The following FAM20B variants were observed in gnomAD, a reference collection of about 807,000 sequenced individuals.
The protein encoded by FAM20B is FAM20B glycosaminoglycan xylosylkinase, also known as glycosaminoglycan xylosylkinase.
Under a neutral mutation model 43.8 loss-of-function variants are expected in FAM20B, and 23 were observed. The ratio of observed to expected loss-of-function variants is 0.53; its 90% CI spans 0.38 to 0.74. The LOEUF is 0.74. FAM20B is among the 30% of genes least tolerant of loss of function. FAM20B has a pLI of 0.00. For missense variants in FAM20B, 440 were observed against 510.5 expected (o/e 0.86, Z 1.33); for synonymous variants, 178 against 192.4 (o/e 0.93, Z 0.62).
chr1:179,053,790 TGTATA>T (rs1327406151), intron 3 of FAM20B, among the ~76,000 whole-genome samples: 1 of 152,178 alleles, frequency 6.6e-6, no homozygotes, highest in Admixed American at 6.5e-5. Flanking sequence ...CTCGATTGTA[TGTATA>T]TACGTAAGTG....
At chr1:179,037,088 G>A (rs1281855933) in intron 1 of FAM20B, among the ~76,000 whole-genome samples, 1 of 152,210 alleles carries the variant, frequency 6.6e-6, no homozygotes, top group Non-Finnish European at 1.5e-5. Context: ...AGCTATTTAG[G>A]ATACAGCTTT....
chr1:179,042,801 G>A (rs955932522), intron 1 of FAM20B, among the ~76,000 whole-genome samples: 1 of 152,134 alleles, frequency 6.6e-6, no homozygotes, highest in African/African-American at 2.4e-5. Context: ...CCCACAGTGG[G>A]TAGATCCCTT....
intron 6 of FAM20B, among the ~76,000 whole-genome samples, chr1:179,065,653 A>G (rs1651659938): frequency 6.6e-6 from 1 of 152,224 alleles, no homozygotes; most frequent in Admixed American, 6.5e-5. Context: ...ACAGAAAATG[A>G]AAAACCAGCA....
At chr1:179,021,322 A>G (rs538402985), upstream of FAM20B, among the ~76,000 whole-genome samples, 4 of 152,316 alleles carry the variant, frequency 2.6e-5, no homozygotes, top group Admixed American at 6.5e-5. Context: ...CACAACAAAA[A>G]AAAAATGTGT....
Position 179,076,329 on chromosome 1 carries a change from A to G in FAM20B, c.*4185A>G, listed in dbSNP as rs1322215510. The G allele has an allele frequency of 3.3e-5, 5 of 152,210 alleles. No individual in the cohort carries two copies. Among genetic ancestry groups the G allele is most frequent in the Non-Finnish European group, 7.3e-5 (5 of 68,032 alleles). 9.4% of individuals were successfully genotyped at this position (152,210 alleles called of 1,614,324 possible). ...CTAAGGTGTTTCTCATAAACACAAA[A>G]TGTTGGGTGAAACTGGGAACAACTA... On this transcript the variant is annotated 3_prime_UTR_variant, in exon 8 of 8. Transcript: ENST00000263733.
intron 2 of FAM20B, among the ~76,000 whole-genome samples, chr1:179,049,925 C>G (rs1650932904): frequency 6.6e-6 from 1 of 152,216 alleles, no homozygotes; most frequent in African/African-American, 2.4e-5. Context: ...TAAGCACCAA[C>G]TATGTGCTTA....
intron 1 of FAM20B, among the ~76,000 whole-genome samples, chr1:179,034,143 CT>C (rs1650122048): frequency 6.6e-6 from 1 of 152,194 alleles, no homozygotes; most frequent in Non-Finnish European, 1.5e-5. Flanking sequence ...GGCACTTCAC[CT>C]GGGGTGACCA....
intron 1 of FAM20B, among the ~76,000 whole-genome samples, chr1:179,034,646 A>T (rs1650146476): frequency 6.6e-6 from 1 of 152,240 alleles, no homozygotes; most frequent in African/African-American, 2.4e-5. Context: ...TCAGAGTTTT[A>T]GTCAAACCAA....
At chr1:179,026,809 T>C (rs1355628878) in intron 1 of FAM20B, among the ~76,000 whole-genome samples, 1 of 152,252 alleles carries the variant, frequency 6.6e-6, no homozygotes, top group Non-Finnish European at 1.5e-5. Context: ...ATGTGAATAG[T>C]TGTCGAGCTG....
chr1:179,041,753 A>G (rs1011169425), intron 1 of FAM20B, among the ~76,000 whole-genome samples: 2 of 143,624 alleles, frequency 1.4e-5, no homozygotes, highest in African/African-American at 5.6e-5. Flanking sequence ...CGGGCAGGGA[A>G]AGGGGAGAGG....
At chr1:179,062,378 G>T (rs922779431) in intron 4 of FAM20B, among the ~76,000 whole-genome samples, 1 of 152,044 alleles carries the variant, frequency 6.6e-6, no homozygotes, top group Non-Finnish European at 1.5e-5. Flanking sequence ...CAGGCCTGGC[G>T]CAGTGGCTCA....
At chr1:179,054,379 C>T (rs182148443) in intron 3 of FAM20B, 150 bp from the exon 4 acceptor site, 88 of 497,702 alleles carry the variant, frequency 1.8e-4, no homozygotes, top group Admixed American at 3.7e-4. Flanking sequence ...ACATTAAATT[C>T]CTAAATATAT....
At chr1:179,054,436 A>G in intron 3 of FAM20B, 93 bp from the exon 4 acceptor site, 1 of 743,522 alleles carries the variant, frequency 1.3e-6, no homozygotes, top group Non-Finnish European at 2.3e-6. Context: ...AACCCTTTAC[A>G]CATTTGACAT....
At chr1:179,054,665 A>T (rs370549284) in intron 4 of FAM20B, 27 bp downstream of exon 4, 835 of 1,372,058 alleles carry the variant, frequency 6.1e-4, no homozygotes, top group Non-Finnish European at 8.1e-4. Context: ...GGACATTTAT[A>T]TAGGGGAATG....
chr1:179,064,267 G>T, intron 5 of FAM20B, 38 bp from the exon 6 acceptor site: 1 of 1,542,360 alleles, frequency 6.5e-7, no homozygotes, highest in Non-Finnish European at 8.9e-7. Flanking sequence ...GCCAGGTACA[G>T]TGTTGTCACT....
intron 4 of FAM20B, among the ~76,000 whole-genome samples, chr1:179,056,808 T>G (rs1651237997): frequency 6.6e-6 from 1 of 152,178 alleles, no homozygotes; most frequent in East Asian, 1.9e-4. Flanking sequence ...TGTTGTCATA[T>G]TTTGGATTTT....
At chr1:179,022,621 T>C (rs1433317472), upstream of FAM20B, among the ~76,000 whole-genome samples, 1 of 152,094 alleles carries the variant, frequency 6.6e-6, no homozygotes, top group African/African-American at 2.4e-5. Flanking sequence ...TTAAGGAAAA[T>C]GCTTACAATG....
intron 1 of FAM20B, among the ~76,000 whole-genome samples, chr1:179,029,494 G>A (rs1039792232): frequency 3.3e-5 from 5 of 152,232 alleles, no homozygotes; most frequent in Non-Finnish European, 5.9e-5. Flanking sequence ...AGCTTGGGAT[G>A]TAAAGAATCT....
intron 7 of FAM20B, among the ~76,000 whole-genome samples, chr1:179,068,496 C>T (rs1387896319): frequency 2.6e-5 from 4 of 151,670 alleles, no homozygotes; most frequent in South Asian, 2.1e-4. Flanking sequence ...AGTACAGTGG[C>T]GCGATCTCGG....
Sources: allele counts gnomAD v4.1 joint callset (sites outside exome capture counted in the v4.1 genomes callset), GRCh38; gene constraint gnomAD v4.1.1; transcripts MANE v1.5; gene names NCBI Gene and HGNC (gene_info 2026-07-23, HGNC 2026-07-21).